The following PACRG variants were observed in gnomAD, a reference collection of about 807,000 sequenced individuals.
PACRG encodes parkin coregulated, also known as parkin coregulated gene protein.
A neutral mutation model predicts 29.7 loss-of-function variants in PACRG; 29 were observed. The ratio of observed to expected loss-of-function variants is 0.98; its 90% confidence interval spans 0.73 to 1.33. PACRG has a LOEUF of 1.33. PACRG is among the 40% of genes most tolerant of loss of function. The pLI, the probability that PACRG is intolerant of heterozygous loss-of-function variation, is 0.00. For missense variants in PACRG, 279 were observed against 316.2 expected (o/e 0.88, Z 0.89); for synonymous variants, 116 against 118.7 (o/e 0.98, Z 0.15).
At chr6:162,744,732 A>G (rs909723185) in intron 1 of PACRG, among the ~76,000 whole-genome samples, 1 of 152,204 alleles carries the variant, frequency 6.6e-6, no homozygotes, top group Non-Finnish European at 1.5e-5. Context: ...TCCATAAAAA[A>G]TTGTTTAAAG....
At chr6:163,210,764 G>GA (rs1296729229) in intron 4 of PACRG, among the ~76,000 whole-genome samples, 59 of 152,146 alleles carry the variant, frequency 3.9e-4, no homozygotes, top group Admixed American at 3.9e-3. Context: ...ATTTGAAAAG[G>GA]AAAACTCTCT....
intron 1 of PACRG, among the ~76,000 whole-genome samples, chr6:162,804,979 G>C (rs1428212575): frequency 6.6e-6 from 1 of 152,040 alleles, no homozygotes; most frequent in Non-Finnish European, 1.5e-5. Flanking sequence ...TATTGCTCCT[G>C]GGCTTCAGAC....
Position 162,814,807 on chromosome 6 carries a change from G to A in PACRG, c.291+526G>A, listed in dbSNP as rs189664081. 4.6e-5 allele frequency among the ~76,000 whole-genome samples: 7 copies of A among 152,280 alleles called. No homozygotes were observed. The East Asian group carries it at 9.7e-4, about 21-fold the overall frequency. ...TCAGCAAGCGCGATGGCTGTCACAC[G>A]TGCCCTGTTAGAGGCTGACCTCCAC... On this transcript the variant is annotated intron_variant, in intron 2 of 4. Transcript: ENST00000366888.
chr6:163,160,930 A>G (rs996767409), intron 4 of PACRG, among the ~76,000 whole-genome samples: 2 of 152,170 alleles, frequency 1.3e-5, no homozygotes, highest in Non-Finnish European at 2.9e-5. Flanking sequence ...TCTTGTAAAT[A>G]TCATTTTATT....
At chr6:162,893,452 G>A (rs1420760231) in intron 2 of PACRG, among the ~76,000 whole-genome samples, 1 of 152,170 alleles carries the variant, frequency 6.6e-6, no homozygotes, top group Non-Finnish European at 1.5e-5. Flanking sequence ...AGGCTACATT[G>A]TAGTGATTGT....
chr6:163,179,707 C>CA (rs200887172), intron 4 of PACRG, among the ~76,000 whole-genome samples: 6,157 of 103,716 alleles, frequency 0.059, 247 homozygotes, highest in African/African-American at 0.12. Flanking sequence ...AGATCTGTCT[C>CA]AAAAAAAAAA....
intron 2 of PACRG, among the ~76,000 whole-genome samples, chr6:162,877,370 G>C (rs545198992): frequency 2.6e-5 from 4 of 152,220 alleles, no homozygotes; most frequent in Non-Finnish European, 5.9e-5. Flanking sequence ...TCACTCAGAA[G>C]TGGGAGTTGA....
chr6:163,100,042 C>G (rs1453108757), intron 4 of PACRG, among the ~76,000 whole-genome samples: 6 of 152,036 alleles, frequency 3.9e-5, no homozygotes, highest in Admixed American at 3.9e-4. Flanking sequence ...AGGAATTCCC[C>G]GCCGCTGAGG....
At chr6:162,828,815 G>A (rs1407463137) in intron 2 of PACRG, among the ~76,000 whole-genome samples, 3 of 152,074 alleles carry the variant, frequency 2.0e-5, no homozygotes, top group Non-Finnish European at 4.4e-5. Flanking sequence ...AGAATAAAGT[G>A]TTAAAGAGAA....
chr6:162,924,591 G>A (rs1360387554), intron 2 of PACRG, among the ~76,000 whole-genome samples: 2 of 151,974 alleles, frequency 1.3e-5, no homozygotes, highest in African/African-American at 4.8e-5. Flanking sequence ...AGTTTTTATT[G>A]TGAAGAGATG....
At chr6:163,232,441 G>T (rs1782082334) in intron 4 of PACRG, among the ~76,000 whole-genome samples, 1 of 152,056 alleles carries the variant, frequency 6.6e-6, no homozygotes, top group Non-Finnish European at 1.5e-5. Flanking sequence ...TAGTAAGAAG[G>T]GAAGGGAAAA....
intron 4 of PACRG, among the ~76,000 whole-genome samples, chr6:163,181,675 G>C (rs1585305795): frequency 7.5e-6 from 1 of 134,204 alleles, no homozygotes; most frequent in Admixed American, 7.6e-5. Context: ...ATGTATTTTT[G>C]TTTTTTACAA....
intron 2 of PACRG, among the ~76,000 whole-genome samples, chr6:162,957,737 AG>A (rs1345315580): frequency 2.6e-5 from 4 of 152,166 alleles, no homozygotes; most frequent in Admixed American, 2.6e-4. Flanking sequence ...TTTAAAATTA[AG>A]AAGCCCAGAA....
chr6:163,007,693 A>T (rs986568977), intron 2 of PACRG, among the ~76,000 whole-genome samples: 4 of 152,118 alleles, frequency 2.6e-5, no homozygotes, highest in African/African-American at 9.7e-5. Context: ...CAGTGCCTTG[A>T]GAAACTATTT....
chr6:163,115,866 C>T (rs534403783), intron 4 of PACRG, among the ~76,000 whole-genome samples: 3 of 152,288 alleles, frequency 2.0e-5, no homozygotes, highest in South Asian at 2.1e-4. Flanking sequence ...GTAGTAATTA[C>T]GTCATGGCCC....
rs375264439 is a variant in PACRG, at chr6:163,184,415, T to C, written c.613+95007T>C. Among the ~76,000 whole-genome samples, 30 of 152,344 alleles carry C rather than the reference T, an allele frequency of 2.0e-4. 1 individual carries two copies. The highest frequency in any genetic ancestry group is 7.0e-4 in the African/African-American group (29 of 41,594). ...TAACACTGCCCCTGATAACATTTCATGTGGCCATGACAAATTATGGTGAAA... is the reference window on the plus strand; with the variant it reads ...TAACACTGCCCCTGATAACATTTCACGTGGCCATGACAAATTATGGTGAAA... On this transcript the variant is annotated intron_variant, in intron 4 of 4. Transcript: ENST00000366888.
At chr6:163,181,318 C>A (rs1779649246) in intron 4 of PACRG, among the ~76,000 whole-genome samples, 1 of 152,198 alleles carries the variant, frequency 6.6e-6, no homozygotes, top group Admixed American at 6.5e-5. Flanking sequence ...CCCACACACT[C>A]AGCCCCGATC....
rs893000371 is a variant in PACRG, at chr6:163,139,122, C to T, written c.613+49714C>T. ...AAGCTCAACATCAGCTTCACTGGGC[C>T]GAAGGCAAGCTGCGGGCAGAGAGAA... On this transcript the variant is annotated intron_variant, in intron 4 of 4. Coordinates refer to ENST00000366888, the MANE Select transcript of PACRG (RefSeq NM_001080379.2). Among the ~76,000 whole-genome samples the T allele has an allele frequency of 5.3e-5, 8 of 152,222 alleles. No homozygotes were observed. In the East Asian group the frequency reaches 5.8e-4, roughly 11 times the overall value.
chr6:162,914,880 T>C (rs908506299), intron 2 of PACRG, among the ~76,000 whole-genome samples: 1 of 152,074 alleles, frequency 6.6e-6, no homozygotes, highest in Non-Finnish European at 1.5e-5. Context: ...ATAAATAATT[T>C]TGTAAAAATC....
Sources: gnomAD v4.1 joint callset for allele counts (sites outside exome capture counted in the v4.1 genomes callset) on GRCh38, gnomAD v4.1.1 for gene constraint, MANE v1.5 for transcripts, NCBI Gene and HGNC (gene_info 2026-07-23, HGNC 2026-07-21) for gene names.